EHBP1: variants seen among roughly 807,000 people sequenced by gnomAD.
EHBP1 encodes the protein EH domain-binding protein 1.
Under a neutral mutation model 144.0 loss-of-function variants are expected in EHBP1, and 55 were observed. The observed-to-expected ratio is 0.38, with a 90% CI of 0.31 to 0.48. The LOEUF is 0.48. Among genes scored for constraint, EHBP1 ranks in the 20% least tolerant of loss-of-function variants. The probability of loss-of-function intolerance (pLI) is 0.98; values close to 1 mark genes in which losing one functional copy is unlikely to be tolerated. For synonymous variants in EHBP1, 469 were observed against 472.7 expected (o/e 0.99, Z 0.10); for missense variants, 1,200 against 1,364.2 (o/e 0.88, Z 1.90).
intron 19 of EHBP1, 76 bp from the exon 20 acceptor site, chr2:63,037,459 A>C: frequency 1.0e-6 from 1 of 953,448 alleles, no homozygotes; most frequent in Non-Finnish European, 1.6e-6. Flanking sequence ...TTCTATGTTT[A>C]AAAAATTATG....
intron 14 of EHBP1, among the ~76,000 whole-genome samples, chr2:62,968,300 A>C (rs925022547): frequency 2.0e-5 from 3 of 152,214 alleles, no homozygotes; most frequent in African/African-American, 7.2e-5. Flanking sequence ...TAAATTCATC[A>C]TAAAGGGTTC....
intron 10 of EHBP1, among the ~76,000 whole-genome samples, chr2:62,926,780 G>A (rs546916683): frequency 6.6e-6 from 1 of 152,062 alleles, no homozygotes; most frequent in African/African-American, 2.4e-5. Flanking sequence ...AGAACACTAT[G>A]GAGGTCTCAC....
intron 5 of EHBP1, among the ~76,000 whole-genome samples, chr2:62,805,983 A>AT (rs34953459): frequency 0.34 from 49,888 of 148,166 alleles, 8,464 homozygotes; most frequent in Middle Eastern, 0.49. Flanking sequence ...TATTTTCTGG[A>AT]TTTTTTTTTT....
chr2:62,819,040 C>T (rs377314254), intron 5 of EHBP1, among the ~76,000 whole-genome samples: 1 of 151,964 alleles, frequency 6.6e-6, no homozygotes, highest in African/African-American at 2.4e-5. Context: ...CTAATGTAAC[C>T]AGGGAGCATA....
intron 7 of EHBP1, among the ~76,000 whole-genome samples, chr2:62,851,758 C>G (rs1301095570): frequency 6.6e-6 from 1 of 151,944 alleles, no homozygotes; most frequent in Non-Finnish European, 1.5e-5. Flanking sequence ...TACCTTTTCA[C>G]TCTGTTAATG....
intron 5 of EHBP1, among the ~76,000 whole-genome samples, chr2:62,814,336 A>G (rs1342043606): frequency 2.0e-5 from 3 of 152,232 alleles, no homozygotes; most frequent in South Asian, 2.1e-4. Context: ...CAGCAAGAAG[A>G]TTCTCACAAG....
intron 10 of EHBP1, among the ~76,000 whole-genome samples, chr2:62,891,394 C>T (rs1558866087): frequency 6.6e-6 from 1 of 152,014 alleles, no homozygotes; most frequent in Non-Finnish European, 1.5e-5. Flanking sequence ...TGATATAAGT[C>T]CCAACTTGAA....
intron 15 of EHBP1, among the ~76,000 whole-genome samples, chr2:62,982,852 A>G (rs774914793): frequency 2.6e-5 from 4 of 152,166 alleles, no homozygotes; most frequent in African/African-American, 9.7e-5. Context: ...GAAACTTACT[A>G]AATTTGAGGT....
rs183319375 is a variant in EHBP1, at chr2:62,694,103, G to A, written c.-295-12794G>A. Among the ~76,000 whole-genome samples, 6 of 152,134 alleles carry A rather than the reference G, an allele frequency of 3.9e-5. No individual in the cohort carries two copies. The East Asian group carries it at 1.2e-3, about 29-fold the overall frequency. On this transcript the variant is annotated intron_variant, in intron 1 of 22. Coordinates refer to the EHBP1 transcript ENST00000405015. ...ACATTTTGTGGTAATTTTTGTATTT[G>A]GTTGTTTCTGTACTGTTAATTTTCA...
At chr2:62,883,877 G>A (rs1022751634) in intron 10 of EHBP1, among the ~76,000 whole-genome samples, 2 of 152,172 alleles carry the variant, frequency 1.3e-5, no homozygotes, top group African/African-American at 2.4e-5. Flanking sequence ...AGGTTAAGGT[G>A]GGAGGATCAC....
intron 15 of EHBP1, among the ~76,000 whole-genome samples, chr2:62,987,507 A>T (rs2059247037): frequency 6.6e-6 from 1 of 152,172 alleles, no homozygotes; most frequent in Non-Finnish European, 1.5e-5. Context: ...TATATGAGGA[A>T]TGTGTGCTTA....
intron 5 of EHBP1, among the ~76,000 whole-genome samples, chr2:62,797,909 T>C (rs1317681060): frequency 6.6e-6 from 1 of 152,104 alleles, no homozygotes; most frequent in Non-Finnish European, 1.5e-5. Flanking sequence ...AACAAGAGTA[T>C]CAAACTAGGT....
intron 3 of EHBP1, among the ~76,000 whole-genome samples, chr2:62,757,391 T>C (rs768072990): frequency 4.6e-5 from 7 of 151,374 alleles, no homozygotes; most frequent in Non-Finnish European, 7.4e-5. Context: ...GAGTTTGAAC[T>C]ACATGATAAT....
chr2:62,972,469 C>T (rs914315855), intron 14 of EHBP1, among the ~76,000 whole-genome samples: 3 of 152,222 alleles, frequency 2.0e-5, no homozygotes, highest in African/African-American at 7.2e-5. Context: ...TTAAAATGAA[C>T]TAGTTTTACT....
intron 10 of EHBP1, among the ~76,000 whole-genome samples, chr2:62,875,631 T>C (rs761999375): frequency 2.6e-5 from 4 of 152,136 alleles, no homozygotes; most frequent in Non-Finnish European, 4.4e-5. Flanking sequence ...CAATGATACT[T>C]AACCAGGCCA....
At chr2:62,841,978 ATTTG>A (rs2047920431) in intron 7 of EHBP1, among the ~76,000 whole-genome samples, 1 of 152,032 alleles carries the variant, frequency 6.6e-6, no homozygotes, top group Non-Finnish European at 1.5e-5. Context: ...GAGCCTGCAT[ATTTG>A]TTATCTGGTG....
chr2:62,728,244 C>T (rs1040252481), intron 2 of EHBP1, among the ~76,000 whole-genome samples: 2 of 152,292 alleles, frequency 1.3e-5, no homozygotes, highest in African/African-American at 4.8e-5. Flanking sequence ...GTGTCCCATT[C>T]CTATTCTATC....
chr2:62,862,544 C>G (rs910204668), intron 8 of EHBP1, among the ~76,000 whole-genome samples: 1 of 152,004 alleles, frequency 6.6e-6, no homozygotes, highest in Non-Finnish European at 1.5e-5. Flanking sequence ...CGGGAGAGGT[C>G]ACTGCAGAGG....
chr2:62,808,202 A>AT (rs1458812140), intron 5 of EHBP1, among the ~76,000 whole-genome samples: 1 of 146,034 alleles, frequency 6.8e-6, no homozygotes. Context: ...TATTATTTCA[A>AT]TTATTTCTTC....
Sources: gnomAD v4.1 joint callset for allele counts (sites outside exome capture counted in the v4.1 genomes callset) on GRCh38, gnomAD v4.1.1 for gene constraint, MANE v1.5 for transcripts, NCBI Gene and HGNC (gene_info 2026-07-23, HGNC 2026-07-21) for gene names.